Variants in ATXN10 observed in about 807,000 individuals in gnomAD.
ATXN10 encodes ataxin 10.
Under a neutral mutation model 52.9 loss-of-function variants are expected in ATXN10, and 28 were observed. The ratio of observed to expected loss-of-function variants is 0.53; its 90% confidence interval spans 0.39 to 0.73. The LOEUF (loss-of-function observed/expected upper bound fraction) is 0.73. Among genes scored for constraint, ATXN10 ranks in the 30% least tolerant of loss-of-function variants. ATXN10 has a pLI of 0.00. For synonymous variants in ATXN10, 226 were observed against 221.5 expected (o/e 1.02, Z -0.18); for missense variants, 565 against 577.0 (o/e 0.98, Z 0.21).
rs1927432886 is a variant in ATXN10 at position 45,789,488 on chromosome 22, A to G, written c.1174-17471A>G. 6.6e-6 allele frequency among the ~76,000 whole-genome samples: 1 copy of G among 152,158 alleles called. No homozygotes were observed. The highest frequency in any genetic ancestry group is 2.1e-4 in the South Asian group (1 of 4,824). Reference sequence around the variant, plus strand: ...GTCTAATGAAAGAGTGAGACAAGCAAACAAATAGCTGCTCTGTATACCATG... The same window carrying G: ...GTCTAATGAAAGAGTGAGACAAGCAGACAAATAGCTGCTCTGTATACCATG... On this transcript the variant is annotated intron_variant, in intron 9 of 11. Coordinates refer to ENST00000252934, the MANE Select transcript of ATXN10 (RefSeq NM_013236.4). This position sits in a 1 kb window ranked among gnomAD's most constrained non-coding sequence, Gnocchi z 4.0.
chr22:45,691,365 A>G (rs966107319), intron 2 of ATXN10, among the ~76,000 whole-genome samples: 1 of 152,258 alleles, frequency 6.6e-6, no homozygotes, highest in African/African-American at 2.4e-5. Flanking sequence ...TGCCTTCGGC[A>G]TTGGGCTTTG....
chr22:45,751,758 AAAAAAAATAAT>A (rs1454798025), intron 9 of ATXN10, among the ~76,000 whole-genome samples: 4,864 of 60,652 alleles, frequency 0.08, 77 homozygotes, highest in Non-Finnish European at 0.092. Context: ...AAAAAAATAA[AAAAAAAATAAT>A]AATAATAATA....
rs1287861485 is a variant in ATXN10 at position 45,824,907 on chromosome 22, G to T, written c.1237+17885G>T. 6.6e-6 allele frequency among the ~76,000 whole-genome samples: 1 copy of T among 152,222 alleles called. No individual in the cohort carries two copies. Among genetic ancestry groups the T allele is most frequent in the Admixed American group, 6.5e-5 (1 of 15,286 alleles). ...CCCAGGAATCTCCTAGACAACATTT[G>T]TACTGAATCTGATGTAACTGTTTTG... On this transcript the variant is annotated intron_variant, in intron 10 of 11. Transcript: ENST00000252934. The surrounding 1 kb of genome is among the most constrained non-coding windows in gnomAD (Gnocchi z 5.2).
intron 10 of ATXN10, among the ~76,000 whole-genome samples, chr22:45,829,947 C>T (rs1325011991): frequency 1.3e-5 from 2 of 152,154 alleles, no homozygotes; most frequent in African/African-American, 4.8e-5. Flanking sequence ...CTGGAAGACT[C>T]ACACTTCCTG....
chr22:45,764,369 T>G (rs1926509420), intron 9 of ATXN10, among the ~76,000 whole-genome samples: 1 of 152,046 alleles, frequency 6.6e-6, no homozygotes, highest in African/African-American at 2.4e-5. Context: ...GGGTTTCCCT[T>G]AGCAAGGCTT....
intron 10 of ATXN10, among the ~76,000 whole-genome samples, chr22:45,827,504 A>G (rs1357805188): frequency 1.3e-5 from 2 of 152,204 alleles, no homozygotes; most frequent in African/African-American, 4.8e-5. Context: ...AGCAGACGTG[A>G]CTAATATCAG....
intron 9 of ATXN10, among the ~76,000 whole-genome samples, chr22:45,742,787 G>A (rs560378585): frequency 3.3e-5 from 5 of 152,296 alleles, no homozygotes; most frequent in Admixed American, 6.5e-5. Flanking sequence ...GTATATGGGC[G>A]CACCATTTTG....
intron 6 of ATXN10, among the ~76,000 whole-genome samples, chr22:45,721,692 A>C (rs1454279215): frequency 2.6e-5 from 4 of 152,200 alleles, no homozygotes; most frequent in Non-Finnish European, 5.9e-5. Context: ...CATCACCGTT[A>C]TGTATAGAAG....
In ATXN10 at chr22:45,787,753, C is replaced by A. The variant is rs772031926; in HGVS notation, c.1174-19206C>A. ...TAGGACATTTGCATATTTCACAGCCCGCAGTTTGGAAATACATTTCTGAAA... is the reference window on the plus strand; with the variant it reads ...TAGGACATTTGCATATTTCACAGCCAGCAGTTTGGAAATACATTTCTGAAA... On this transcript the variant is annotated intron_variant, in intron 9 of 11. Transcript: ENST00000252934. The surrounding 1 kb of genome is among the most constrained non-coding windows in gnomAD (Gnocchi z 4.2). 6.6e-6 allele frequency among the ~76,000 whole-genome samples: 1 copy of A among 152,116 alleles called. No individual in the cohort carries two copies. The highest frequency in any genetic ancestry group is 6.5e-5 in the Admixed American group (1 of 15,284).
intron 5 of ATXN10, among the ~76,000 whole-genome samples, chr22:45,710,882 G>C (rs1176975355): frequency 7.9e-5 from 12 of 152,124 alleles, no homozygotes; most frequent in Non-Finnish European, 1.2e-4. Context: ...CTGGTGATTG[G>C]TGGCATCGTT....
In ATXN10 at chr22:45,750,509, T is replaced by G. The variant is rs954610197; in HGVS notation, c.1173+9971T>G. ...TGAGGGGAAAACCAGCTGTATAAAC[T>G]GAGAGCTGTACCTTGTTCCTGTATG... is the stretch of plus-strand genomic sequence containing the variant. On this transcript the variant is annotated intron_variant, in intron 9 of 11. Transcript: ENST00000252934. The surrounding 1 kb of genome is among the most constrained non-coding windows in gnomAD (Gnocchi z 4.2). 6.6e-6 allele frequency among the ~76,000 whole-genome samples: 1 copy of G among 152,202 alleles called. No homozygotes were observed. The highest frequency in any genetic ancestry group is 1.5e-5 in the Non-Finnish European group (1 of 68,036).
rs1246337091 is a variant in ATXN10 at position 45,740,538 on chromosome 22, G to C, written c.1173G>C (p.Lys391Asn). 6.2e-7 allele frequency: 1 copy of C among 1,613,346 alleles called. No homozygotes were observed. Among genetic ancestry groups the C allele is most frequent in the Non-Finnish European group, 8.5e-7 (1 of 1,179,482 alleles). ...LCYKNKDNQD[K>N]VNELDGIPLI... The stretch of plus-strand genomic sequence containing the variant: ...ACAAGAATAAAGATAACCAAGACAA[G>C]GTAAGAGGATTTCTTAGTATGTATT... Residue 391 changes from lysine to asparagine, a missense_variant and splice_region_variant, in exon 9 of 12, where the codon AAG becomes AAC. By Grantham distance (94) the Lys-to-Asn change is moderately conservative (BLOSUM62 0). Transcript: ENST00000252934.
chr22:45,758,394 C>T (rs190689445), intron 9 of ATXN10, among the ~76,000 whole-genome samples: 4 of 152,352 alleles, frequency 2.6e-5, no homozygotes, highest in Non-Finnish European at 5.9e-5. Flanking sequence ...TAGGAAATTA[C>T]ATATTCATGG....
chr22:45,753,024 G>A (rs571233175), intron 9 of ATXN10, among the ~76,000 whole-genome samples: 79 of 152,196 alleles, frequency 5.2e-4, no homozygotes, highest in African/African-American at 1.8e-3. Context: ...GTAAGCTACC[G>A]TGCCCGGCTG....
chr22:45,679,606 C>G (rs1268546170), intron 1 of ATXN10: 1 of 152,150 alleles, frequency 6.6e-6, no homozygotes, highest in East Asian at 1.9e-4. Context: ...ACACAAAAAC[C>G]CAAAAAACAA....
At chr22:45,768,859 T>C (rs1218185195) in intron 9 of ATXN10, among the ~76,000 whole-genome samples, 8 of 152,270 alleles carry the variant, frequency 5.3e-5, no homozygotes, top group Admixed American at 5.2e-4. Context: ...GAACGTGGAC[T>C]GGCTCTTAGG....
intron 9 of ATXN10, among the ~76,000 whole-genome samples, chr22:45,785,004 A>G (rs927393203): frequency 6.6e-6 from 1 of 152,240 alleles, no homozygotes; most frequent in African/African-American, 2.4e-5. Flanking sequence ...TTGCACCCCA[A>G]GTAGCAGAGG....
rs982168590 is a variant in ATXN10 at position 45,820,152 on chromosome 22, G to A, written c.1237+13130G>A. ...GACCAATACATTAAAAAGCAAAAAC[G>A]TATTGGGCCTGTTGGATTCTGTGAA... is the stretch of plus-strand genomic sequence containing the variant. On this transcript the variant is annotated intron_variant, in intron 10 of 11. Transcript: ENST00000252934. This position sits in a 1 kb window ranked among gnomAD's most constrained non-coding sequence, Gnocchi z 4.9. Among the ~76,000 whole-genome samples the A allele has an allele frequency of 6.6e-6, 1 of 152,160 alleles. No individual in the cohort carries two copies. Among genetic ancestry groups the A allele is most frequent in the Non-Finnish European group, 1.5e-5 (1 of 68,024 alleles).
chr22:45,702,201 C>T (rs1287208238), intron 4 of ATXN10, among the ~76,000 whole-genome samples: 1 of 152,172 alleles, frequency 6.6e-6, no homozygotes, highest in African/African-American at 2.4e-5. Flanking sequence ...CAGTGACCTT[C>T]CCCAGGTCAC....
Sources: allele counts gnomAD v4.1 joint callset (sites outside exome capture counted in the v4.1 genomes callset), GRCh38; gene constraint gnomAD v4.1.1; non-coding constraint Gnocchi (gnomAD v3.1); transcripts MANE v1.5; gene names NCBI Gene and HGNC (gene_info 2026-07-23, HGNC 2026-07-21).